Variants in QTMAN observed in about 807,000 individuals in gnomAD.
The protein encoded by QTMAN is queuosine-tRNA mannosyltransferase.
At chr2:144,234,007 CA>C in the QTMAN span, among the ~76,000 whole-genome samples, 387 of 148,328 alleles carry the variant, frequency 2.6e-3, 2 homozygotes, top group Non-Finnish European at 3.8e-3. Context: ...AAATCCAGGC[CA>C]AAAAAAAAGA....
At chr2:144,018,071 T>C in the QTMAN span, among the ~76,000 whole-genome samples, 2 of 152,198 alleles carry the variant, frequency 1.3e-5, no homozygotes, top group African/African-American at 2.4e-5. Flanking sequence ...TTTCCTATGA[T>C]ACTGTTTTCC....
chr2:144,039,552 C>T, the QTMAN span, among the ~76,000 whole-genome samples: 1 of 152,118 alleles, frequency 6.6e-6, no homozygotes, highest in Non-Finnish European at 1.5e-5. Context: ...TATTCTGTGG[C>T]AAATCCTTTA....
the QTMAN span, among the ~76,000 whole-genome samples, chr2:144,263,339 C>T: frequency 6.6e-6 from 1 of 152,084 alleles, no homozygotes; most frequent in African/African-American, 2.4e-5. Context: ...CTCTTTTACA[C>T]CTATGGAAAA....
At chr2:144,264,065 G>A in the QTMAN span, among the ~76,000 whole-genome samples, 2 of 152,112 alleles carry the variant, frequency 1.3e-5, no homozygotes, top group Non-Finnish European at 2.9e-5. Context: ...GAAATAGCCT[G>A]AACTAAGAAG....
the QTMAN span, among the ~76,000 whole-genome samples, chr2:144,159,045 C>T: frequency 1.9e-4 from 29 of 151,910 alleles, 1 homozygote; most frequent in East Asian, 3.9e-3. Flanking sequence ...GGTTGATTTG[C>T]AATAATACAA....
chr2:144,185,290 G>C, the QTMAN span, among the ~76,000 whole-genome samples: 1 of 152,032 alleles, frequency 6.6e-6, no homozygotes, highest in Non-Finnish European at 1.5e-5. Flanking sequence ...CTACTAAATG[G>C]CAACACTGAG....
At chr2:144,011,542 A>G in the QTMAN span, 1 of 807,000 alleles carries the variant, frequency 1.2e-6, no homozygotes, top group Non-Finnish European at 1.5e-6. Flanking sequence ...GCTTAATAAT[A>G]GTCACCACAC....
the QTMAN span, among the ~76,000 whole-genome samples, chr2:144,199,743 G>A: frequency 6.6e-6 from 1 of 152,252 alleles, no homozygotes; most frequent in East Asian, 1.9e-4. Context: ...AGTTGAATGA[G>A]AGACATGACA....
the QTMAN span, among the ~76,000 whole-genome samples, chr2:144,257,693 T>G: frequency 6.6e-6 from 1 of 152,166 alleles, no homozygotes; most frequent in Non-Finnish European, 1.5e-5. Context: ...TCCCTAATAC[T>G]CAATACATGC....
chr2:144,135,067 A>G, the QTMAN span, among the ~76,000 whole-genome samples: 3 of 152,308 alleles, frequency 2.0e-5, no homozygotes, highest in South Asian at 2.1e-4. Context: ...GATACACTCT[A>G]TTCATGACTC....
chr2:144,274,185 C>G, the QTMAN span, among the ~76,000 whole-genome samples: 2 of 152,148 alleles, frequency 1.3e-5, no homozygotes, highest in African/African-American at 4.8e-5. Flanking sequence ...TGGCATAGAG[C>G]TCCTAGAGCC....
the QTMAN span, among the ~76,000 whole-genome samples, chr2:144,206,830 A>T: frequency 2.0e-5 from 3 of 152,196 alleles, no homozygotes; most frequent in African/African-American, 7.2e-5. Flanking sequence ...ATTCTGAAAA[A>T]CTGCATAATC....
At chr2:144,166,551 T>C in the QTMAN span, among the ~76,000 whole-genome samples, 2 of 152,196 alleles carry the variant, frequency 1.3e-5, no homozygotes, top group African/African-American at 2.4e-5. Context: ...TACACACACA[T>C]ACACATATAT....
At chr2:144,307,654 A>G in the QTMAN span, among the ~76,000 whole-genome samples, 6 of 152,254 alleles carry the variant, frequency 3.9e-5, no homozygotes, top group Admixed American at 1.3e-4. Context: ...TCAAGGTTCA[A>G]TATGTAAAAA....
chr2:144,146,333 G>GT, the QTMAN span, among the ~76,000 whole-genome samples: 4 of 150,400 alleles, frequency 2.7e-5, no homozygotes, highest in East Asian at 7.8e-4. Context: ...TCCATTACTG[G>GT]ACTGCTAATG....
At chr2:144,025,321 C>G in the QTMAN span, among the ~76,000 whole-genome samples, 1 of 152,128 alleles carries the variant, frequency 6.6e-6, no homozygotes, top group Non-Finnish European at 1.5e-5. Context: ...CTTGGGAGAA[C>G]CTACTGCATG....
the QTMAN span, among the ~76,000 whole-genome samples, chr2:144,046,114 G>A: frequency 2.6e-5 from 4 of 152,090 alleles, no homozygotes; most frequent in Admixed American, 1.3e-4. Context: ...CTACTATCAG[G>A]CTCTCTGCAG....
chr2:144,222,350 C>T, the QTMAN span, among the ~76,000 whole-genome samples: 6 of 151,778 alleles, frequency 4.0e-5, no homozygotes, highest in South Asian at 1.0e-3. Context: ...TGAGCCACCA[C>T]GCCCAACCTA....
the QTMAN span, among the ~76,000 whole-genome samples, chr2:144,310,246 C>T: frequency 2.0e-5 from 3 of 152,002 alleles, no homozygotes; most frequent in Non-Finnish European, 4.4e-5. Flanking sequence ...AGCCCCAAGG[C>T]CAGCTATTCC....
Sources: allele counts gnomAD v4.1 joint callset (sites outside exome capture counted in the v4.1 genomes callset), GRCh38; gene constraint gnomAD v4.1.1; transcripts MANE v1.5; gene names NCBI Gene and HGNC (gene_info 2026-07-23, HGNC 2026-07-21).